Variants in RAB3GAP1 observed in about 807,000 individuals in gnomAD.
The protein encoded by RAB3GAP1 is rab3 GTPase-activating protein catalytic subunit.
Under a neutral mutation model 130.7 loss-of-function variants are expected in RAB3GAP1, and 86 were observed. The ratio of observed to expected loss-of-function variants is 0.66; its 90% CI spans 0.55 to 0.79. The LOEUF is 0.79. Among genes scored for constraint, RAB3GAP1 ranks in the 30% least tolerant of loss-of-function variants. RAB3GAP1 has a pLI of 0.00. For synonymous variants in RAB3GAP1, 367 were observed against 401.7 expected (o/e 0.91, Z 1.03); for missense variants, 1,029 against 1,169.4 (o/e 0.88, Z 1.75).
intron 17 of RAB3GAP1, among the ~76,000 whole-genome samples, chr2:135,137,897 C>T (rs1379321824): frequency 1.3e-5 from 2 of 151,546 alleles, no homozygotes; most frequent in Non-Finnish European, 2.9e-5. Context: ...ATGACTGTAG[C>T]TTACTGCAGC....
chr2:135,166,142 G>A (rs1692642367), intron 23 of RAB3GAP1, among the ~76,000 whole-genome samples: 1 of 151,326 alleles, frequency 6.6e-6, no homozygotes, highest in South Asian at 2.1e-4. Flanking sequence ...ACTGCACTCC[G>A]GCCTGGGTGA....
chr2:135,082,742 A>G (rs546141889), intron 3 of RAB3GAP1, among the ~76,000 whole-genome samples: 36 of 152,136 alleles, frequency 2.4e-4, no homozygotes, highest in African/African-American at 8.4e-4. Context: ...TGACCGGCCA[A>G]TATGTACACT....
In RAB3GAP1 at chr2:135,144,176, C is replaced by G. The variant is rs148509523; in HGVS notation, c.1924-6193C>G. Among the ~76,000 whole-genome samples the G allele has an allele frequency of 6.2e-3, 952 of 152,342 alleles. 9 individuals are homozygous for G. The highest frequency in any genetic ancestry group is 0.042 in the South Asian group (202 of 4,828). On this transcript the variant is annotated intron_variant, in intron 17 of 23. Transcript: ENST00000264158. ...TTGTGTTACAGCTTGTACCCACATT[C>G]AGTGGGTCCCGAGTTCTTGTCCCAC...
intron 3 of RAB3GAP1, among the ~76,000 whole-genome samples, chr2:135,067,993 G>A (rs1689367693): frequency 6.6e-6 from 1 of 152,142 alleles, no homozygotes; most frequent in African/African-American, 2.4e-5. Flanking sequence ...TCCCGCCTCA[G>A]CCTCCCAAAA....
At chr2:135,154,389 T>C (rs1022428235) in intron 19 of RAB3GAP1, among the ~76,000 whole-genome samples, 1 of 152,154 alleles carries the variant, frequency 6.6e-6, no homozygotes, top group African/African-American at 2.4e-5. Context: ...TGATATTTAA[T>C]TGCCCTGCAC....
intron 18 of RAB3GAP1, among the ~76,000 whole-genome samples, chr2:135,151,454 C>G (rs1472152740): frequency 6.6e-6 from 1 of 152,228 alleles, no homozygotes; most frequent in Non-Finnish European, 1.5e-5. Context: ...ACCTATGCCA[C>G]TTTCATCCTT....
chr2:135,106,930 A>G (rs1443880040), intron 5 of RAB3GAP1, among the ~76,000 whole-genome samples: 5 of 152,022 alleles, frequency 3.3e-5, no homozygotes, highest in African/African-American at 1.2e-4. Context: ...AACCACCCCT[A>G]GACATAGTAT....
intron 3 of RAB3GAP1, among the ~76,000 whole-genome samples, chr2:135,081,828 G>T (rs1197271739): frequency 3.9e-5 from 6 of 152,110 alleles, no homozygotes; most frequent in African/African-American, 1.4e-4. Context: ...GATTAAAAGA[G>T]AATCTTCTCA....
intron 23 of RAB3GAP1, among the ~76,000 whole-genome samples, chr2:135,167,065 T>C (rs1406898057): frequency 1.3e-5 from 2 of 152,248 alleles, no homozygotes; most frequent in African/African-American, 2.4e-5. Flanking sequence ...TTAGAATTTA[T>C]TCATGTAACT....
intron 11 of RAB3GAP1, among the ~76,000 whole-genome samples, chr2:135,127,088 G>T (rs184006567): frequency 4.0e-4 from 61 of 151,866 alleles, no homozygotes; most frequent in South Asian, 1.7e-3. Flanking sequence ...TGTTATCCAG[G>T]ATAGTCTTGA....
intron 5 of RAB3GAP1, among the ~76,000 whole-genome samples, chr2:135,100,873 T>A (rs1213582984): frequency 1.3e-5 from 2 of 152,196 alleles, no homozygotes; most frequent in Non-Finnish European, 2.9e-5. Context: ...TCATAGGAGG[T>A]ACCTGTAATT....
At chr2:135,124,021 T>C (rs1691274010) in intron 8 of RAB3GAP1, 144 bp from the exon 9 acceptor site, 5 of 682,068 alleles carry the variant, frequency 7.3e-6, no homozygotes, top group Non-Finnish European at 1.3e-5. Context: ...AGACTACATA[T>C]GCTGTAAGTT....
intron 5 of RAB3GAP1, among the ~76,000 whole-genome samples, chr2:135,100,982 A>T (rs1356505922): frequency 6.6e-6 from 1 of 152,226 alleles, no homozygotes; most frequent in African/African-American, 2.4e-5. Context: ...AGCTTAATTA[A>T]TAAGTTAGGT....
intron 17 of RAB3GAP1, chr2:135,136,897 T>C (rs1240953540): frequency 3.9e-6 from 1 of 256,316 alleles, no homozygotes; most frequent in Non-Finnish European, 7.5e-6. Flanking sequence ...CCAGCCTGTA[T>C]AAGAAAGTAA....
At chr2:135,103,118 C>G (rs1294649633) in intron 5 of RAB3GAP1, among the ~76,000 whole-genome samples, 7 of 137,872 alleles carry the variant, frequency 5.1e-5, no homozygotes, top group Middle Eastern at 4.3e-3. Context: ...CTCACTGCAA[C>G]CTCTGCCTCC....
chr2:135,100,007 A>G (rs1044515758), intron 5 of RAB3GAP1, among the ~76,000 whole-genome samples: 4 of 152,070 alleles, frequency 2.6e-5, no homozygotes, highest in African/African-American at 9.7e-5. Context: ...TATCTGAGTG[A>G]TATTGTGCTT....
At chr2:135,105,177 CTCCCT>C (rs1690557922) in intron 5 of RAB3GAP1, among the ~76,000 whole-genome samples, 1 of 129,004 alleles carries the variant, frequency 7.8e-6, no homozygotes, top group Non-Finnish European at 1.6e-5. Context: ...AATGTGAGCT[CTCCCT>C]CTCCCTCTCC....
chr2:135,164,612 G>A lies in RAB3GAP1; in HGVS notation c.2625G>A (p.Leu875=). The A allele has an allele frequency of 6.2e-7, 1 of 1,612,902 alleles. No homozygotes were observed. The highest frequency in any genetic ancestry group is 8.5e-7 in the Non-Finnish European group (1 of 1,179,276). ...CTCCTAGGTTTGTGAGTTGCCTGCTGGAGCAGCCTGAAGTGTTAGTCACCG... is the reference window on the plus strand; with the variant it reads ...CTCCTAGGTTTGTGAGTTGCCTGCTAGAGCAGCCTGAAGTGTTAGTCACCG... The part of the protein sequence containing the change: ...EDLERFVSCL[L]EQPEVLVTGA... The change falls in exon 23 of 24, where the codon CTG becomes CTA. Residue 875 remains leucine, a synonymous_variant. Transcript: ENST00000264158.
Position 135,168,886 on chromosome 2 carries a change from C to G in RAB3GAP1, c.*105C>G, listed in dbSNP as rs1692751210. 1 of 954,906 alleles carries G rather than the reference C, an allele frequency of 1.0e-6. No homozygotes were observed. 59.2% of individuals were successfully genotyped at this position (954,906 alleles called of 1,614,324 possible). A position where few individuals can be genotyped will look rare whatever the true frequency, so the allele number is the denominator to read the frequency against. ...GGGAGGTCCTGGAGAGGGCCCTGTC[C>G]AGTTGGGTGATCAGGAATCAAACCA... On this transcript the variant is annotated 3_prime_UTR_variant, in exon 24 of 24. Transcript: ENST00000264158.
Sources: allele counts gnomAD v4.1 joint callset (sites outside exome capture counted in the v4.1 genomes callset), GRCh38; gene constraint gnomAD v4.1.1; transcripts MANE v1.5; gene names NCBI Gene and HGNC (gene_info 2026-07-23, HGNC 2026-07-21).